Variants in IQSEC1 observed in about 807,000 individuals in gnomAD.
The protein encoded by IQSEC1 is IQ motif and Sec7 domain ArfGEF 1, also known as IQ motif and SEC7 domain-containing protein 1.
Under a neutral mutation model 91.0 loss-of-function variants are expected in IQSEC1, and 31 were observed. The observed-to-expected ratio is 0.34, with a 90% CI of 0.26 to 0.46. The LOEUF (loss-of-function observed/expected upper bound fraction) is 0.46, where lower values mean the gene tolerates loss of function less well. Ranked by LOEUF, IQSEC1 falls within the 20% of genes least tolerant of loss-of-function variation. The probability of loss-of-function intolerance (pLI) is 1.00; values close to 1 mark genes in which losing one functional copy is unlikely to be tolerated. For missense variants in IQSEC1, 1,388 were observed against 1,575.6 expected, an observed-to-expected ratio of 0.88 and a Z score of 2.02; for synonymous variants, 699 against 662.6, an observed-to-expected ratio of 1.05 and a Z score of -0.84.
intron 1 of IQSEC1, among the ~76,000 whole-genome samples, chr3:13,055,966 TC>T (rs980989487): frequency 6.7e-6 from 1 of 150,318 alleles, no homozygotes; most frequent in Non-Finnish European, 1.5e-5. Flanking sequence ...CACCGAGATG[TC>T]CCCCCCACCA....
chr3:13,172,309 A>G (rs1447240393), intron 1 of IQSEC1, among the ~76,000 whole-genome samples: 2 of 152,130 alleles, frequency 1.3e-5, no homozygotes, highest in Non-Finnish European at 2.9e-5. Context: ...GGGGCCTGGC[A>G]CAGAGGAGGT....
At chr3:12,904,736 GCTGA>G (rs1694783314) in intron 12 of IQSEC1, among the ~76,000 whole-genome samples, 1 of 152,158 alleles carries the variant, frequency 6.6e-6, no homozygotes, top group African/African-American at 2.4e-5. Flanking sequence ...GACTCCTCTG[GCTGA>G]CTAAAAACCA....
chr3:13,053,031 GT>G, intron 1 of IQSEC1: 1 of 1,144,998 alleles, frequency 8.7e-7, no homozygotes, highest in Non-Finnish European at 1.3e-6. Context: ...TTTATTACCA[GT>G]TTTCATCCGA....
In IQSEC1 at chr3:12,899,159, G is replaced by T; in HGVS notation, c.*1824C>A. ...ACGGTGATCTCAATGATATGACCGAGGGTGGGAGGGATGTGAGGAGGGAAA... is the reference window on the plus strand; with the variant it reads ...ACGGTGATCTCAATGATATGACCGATGGTGGGAGGGATGTGAGGAGGGAAA... On this transcript the variant is annotated 3_prime_UTR_variant, in exon 14 of 14. Transcript: ENST00000613206. The T allele has an allele frequency of 1.7e-6, 1 of 579,278 alleles. No homozygotes were observed. Among genetic ancestry groups the T allele is most frequent in the Non-Finnish European group, 3.1e-6 (1 of 322,188 alleles). 35.9% of individuals were successfully genotyped at this position (579,278 alleles called of 1,614,324 possible). A position where few individuals can be genotyped will look rare whatever the true frequency, so the allele number is the denominator to read the frequency against.
Position 12,899,324 on chromosome 3 carries a change from C to T in IQSEC1, c.*1659G>A. The T allele has an allele frequency of 2.5e-6, 4 of 1,571,376 alleles. No homozygotes were observed. The highest frequency in any genetic ancestry group is 3.5e-6 in the Non-Finnish European group (4 of 1,149,260). On this transcript the variant is annotated 3_prime_UTR_variant, in exon 14 of 14. Coordinates refer to ENST00000613206, the MANE Select transcript of IQSEC1 (RefSeq NM_001134382.3). ...CGCGGCCCGCAGAGTCAGGCGTGAG[C>T]TTCGCCCTTTCTGAAAGGGCCTCCG...
intron 9 of IQSEC1, among the ~76,000 whole-genome samples, chr3:12,912,830 G>A (rs1215468712): frequency 6.6e-6 from 1 of 152,080 alleles, no homozygotes; most frequent in Non-Finnish European, 1.5e-5. Context: ...TTTTTTTCTG[G>A]CAAGAGCTCC....
At position 13,180,466 on chromosome 3, in the gene IQSEC1, C is replaced by G. The variant is rs529972661; in HGVS notation, c.273-16333G>C. On this transcript the variant is annotated intron_variant, in intron 1 of 15. Coordinates refer to the IQSEC1 transcript ENST00000648114. ...TACACCAATCAGCGCCCTGTCAAAA[C>G]AGTCCACTCGGCTCTCTGTAAAACA... is the stretch of plus-strand genomic sequence containing the variant. Among the ~76,000 whole-genome samples the G allele has an allele frequency of 2.0e-5, 3 of 152,288 alleles. No homozygotes were observed. In the East Asian group the frequency reaches 5.8e-4, roughly 29 times the overall value.
At chr3:13,149,725 G>C (rs1303850640) in intron 2 of IQSEC1, among the ~76,000 whole-genome samples, 1 of 151,722 alleles carries the variant, frequency 6.6e-6, no homozygotes, top group Admixed American at 6.6e-5. Flanking sequence ...CCCAACCCCT[G>C]TGTTCCCCTC....
chr3:13,073,166 C>T lies in IQSEC1; in HGVS notation c.-152G>A, dbSNP rs1705492642. Reference sequence around the variant, plus strand: ...ACATTCCCGGGGGTGGCGGGCTCCTCCAGGGAGGCTGGGGCGGGAGCGGGG... The same window carrying T: ...ACATTCCCGGGGGTGGCGGGCTCCTTCAGGGAGGCTGGGGCGGGAGCGGGG... On this transcript the variant is annotated 5_prime_UTR_variant, in exon 1 of 14. Coordinates refer to ENST00000613206, the MANE Select transcript of IQSEC1 (RefSeq NM_001134382.3). 1 of 867,246 alleles carries T rather than the reference C, an allele frequency of 1.2e-6. No individual in the cohort carries two copies. Among genetic ancestry groups the T allele is most frequent in the Admixed American group, 2.2e-5 (1 of 45,822 alleles). 53.7% of individuals were successfully genotyped at this position (867,246 alleles called of 1,614,324 possible). A position where few individuals can be genotyped will look rare whatever the true frequency, so the allele number is the denominator to read the frequency against.
At chr3:13,246,775 G>A (rs891269010) in intron 1 of IQSEC1, among the ~76,000 whole-genome samples, 2 of 152,122 alleles carry the variant, frequency 1.3e-5, no homozygotes, top group African/African-American at 2.4e-5. Flanking sequence ...TCCTATCCTC[G>A]CAGAATACTG....
intron 1 of IQSEC1, among the ~76,000 whole-genome samples, chr3:13,165,959 C>G (rs1693487593): frequency 6.6e-6 from 1 of 152,194 alleles, no homozygotes; most frequent in Non-Finnish European, 1.5e-5. Context: ...ATGGCAATGA[C>G]ACCACAGGCT....
At chr3:12,912,329 C>A (rs1192002957) in intron 9 of IQSEC1, among the ~76,000 whole-genome samples, 1 of 152,240 alleles carries the variant, frequency 6.6e-6, no homozygotes, top group Admixed American at 6.5e-5. Context: ...TGCCAGGCAC[C>A]ATGTAAGGTC....
chr3:12,920,367 G>C, intron 6 of IQSEC1, 63 bp downstream of exon 6: 1 of 1,552,870 alleles, frequency 6.4e-7, no homozygotes. Context: ...CATCTGGGGA[G>C]GGCCTGGCTG....
chr3:13,112,160 T>G (rs1706257579), intron 2 of IQSEC1, among the ~76,000 whole-genome samples: 2 of 152,160 alleles, frequency 1.3e-5, no homozygotes, highest in Admixed American at 1.3e-4. Flanking sequence ...ATTCCTGACA[T>G]CTGTAACCCT....
At chr3:12,952,003 CAA>C (rs1336386445) in intron 1 of IQSEC1, among the ~76,000 whole-genome samples, 1 of 152,174 alleles carries the variant, frequency 6.6e-6, no homozygotes, top group African/African-American at 2.4e-5. Context: ...AGCACTGGCA[CAA>C]AGTGACGGCC....
At chr3:13,024,495 A>G (rs573178984) in intron 1 of IQSEC1, among the ~76,000 whole-genome samples, 203 of 146,956 alleles carry the variant, frequency 1.4e-3, no homozygotes, top group African/African-American at 5.0e-3. Context: ...CTGTCCATCC[A>G]TTCACCCATC....
At chr3:13,236,231 C>T (rs1018504615) in intron 1 of IQSEC1, among the ~76,000 whole-genome samples, 6 of 152,138 alleles carry the variant, frequency 3.9e-5, no homozygotes, top group Admixed American at 3.3e-4. Flanking sequence ...CTCAGGTGGG[C>T]GTGTGCCCTC....
chr3:12,909,524 G>T lies in IQSEC1; in HGVS notation c.2417-90C>A. 7.5e-7 allele frequency: 1 copy of T among 1,328,372 alleles called. No homozygotes were observed. The highest frequency in any genetic ancestry group is 1.1e-6 in the Non-Finnish European group (1 of 948,800). 82.3% of individuals were successfully genotyped at this position (1,328,372 alleles called of 1,614,324 possible). ...CTGGTCAGGAAACAATGGTAGGGCT[G>T]AGTTGTGCGTGAGCCTGGGATAAGT... is the stretch of plus-strand genomic sequence containing the variant. On this transcript the variant is annotated intron_variant, in intron 10 of 13. Coordinates refer to ENST00000613206, the MANE Select transcript of IQSEC1 (RefSeq NM_001134382.3). The surrounding 1 kb of genome is among the most constrained non-coding windows in gnomAD (Gnocchi z 4.9).
chr3:13,046,823 G>A (rs914552168), intron 1 of IQSEC1, among the ~76,000 whole-genome samples: 1 of 152,106 alleles, frequency 6.6e-6, no homozygotes, highest in Non-Finnish European at 1.5e-5. Context: ...TCGATGCACC[G>A]AACACAGCCC....
Sources: allele counts gnomAD v4.1 joint callset (sites outside exome capture counted in the v4.1 genomes callset), GRCh38; gene constraint gnomAD v4.1.1; non-coding constraint Gnocchi (gnomAD v3.1); transcripts MANE v1.5; gene names NCBI Gene and HGNC (gene_info 2026-07-23, HGNC 2026-07-21).